Variants in FCER1G observed in about 807,000 individuals in gnomAD.
The protein encoded by FCER1G is high affinity immunoglobulin epsilon receptor subunit gamma.
Under a neutral mutation model 17.3 loss-of-function variants are expected in FCER1G, and 7 were observed. That is an observed-to-expected ratio of 0.40 (90% CI 0.23 to 0.76). The LOEUF is 0.76. Ranked by LOEUF, FCER1G falls within the 30% of genes least tolerant of loss-of-function variation. The pLI, the probability that FCER1G is intolerant of heterozygous loss-of-function variation, is 0.35. For synonymous variants in FCER1G, 35 were observed against 38.7 expected (o/e 0.90, Z 0.35); for missense variants, 87 against 97.7 (o/e 0.89, Z 0.46).
intron 1 of FCER1G, among the ~76,000 whole-genome samples, chr1:161,216,383 C>T (rs900100723): frequency 9.0e-5 from 11 of 122,090 alleles, no homozygotes; most frequent in African/African-American, 3.5e-4. Context: ...CACATACACA[C>T]ACACACACAC....
intron 1 of FCER1G, among the ~76,000 whole-genome samples, chr1:161,216,450 A>AGG (rs71579697): frequency 3.3e-5 from 5 of 151,608 alleles, no homozygotes; most frequent in African/African-American, 1.2e-4. Context: ...AGAGAGAGAG[A>AGG]TAACCCTTTA....
intron 2 of FCER1G, 51 bp from the exon 3 acceptor site, chr1:161,218,190 G>A (rs771056414): frequency 4.5e-5 from 71 of 1,575,480 alleles, no homozygotes; most frequent in Non-Finnish European, 5.7e-5. Flanking sequence ...TGGAGGGAAG[G>A]GGGATGGGCC....
At chr1:161,217,034 T>C (rs1666066890) in intron 1 of FCER1G, among the ~76,000 whole-genome samples, 1 of 152,212 alleles carries the variant, frequency 6.6e-6, no homozygotes. Context: ...CTTGGTTTCG[T>C]CACCCATAAA....
chr1:161,215,840 C>A (rs1433618592), intron 1 of FCER1G, among the ~76,000 whole-genome samples: 1 of 152,044 alleles, frequency 6.6e-6, no homozygotes, highest in Non-Finnish European at 1.5e-5. Flanking sequence ...GATCCACCCA[C>A]CTCGACCTCC....
rs747074278 is a variant in FCER1G, at chr1:161,216,425, T to TAGAGAG, written c.49+1056_49+1057insGAGAGA. ...ACACACACACACATATATATATATATATAGAGAGAGAGAGAGAGAGAGAGA... is the reference window on the plus strand; with the variant it reads ...ACACACACACACATATATATATATATAGAGAGATAGAGAGAGAGAGAGAGAGAGAGA... On this transcript the variant is annotated intron_variant, in intron 1 of 4. Transcript: ENST00000289902. 1.7e-3 allele frequency among the ~76,000 whole-genome samples: 239 copies of TAGAGAG among 140,860 alleles called. 1 individual carries two copies. The East Asian group carries it at 0.021, about 12-fold the overall frequency. The allele number at this position is 140,860 out of a possible 152,430, so 92.4% of individuals were successfully genotyped here.
Position 161,215,312 on chromosome 1 carries a change from C to G in FCER1G, c.-10C>G, listed in dbSNP as rs1666009437. 6.2e-7 allele frequency: 1 copy of G among 1,613,656 alleles called. No individual in the cohort carries two copies. The highest frequency in any genetic ancestry group is 8.5e-7 in the Non-Finnish European group (1 of 1,179,684). ...ACAGTGCTGTCAGAACGGCCGATCTCCAGCCCAAGATGATTCCAGCAGTGG... is the reference window on the plus strand; with the variant it reads ...ACAGTGCTGTCAGAACGGCCGATCTGCAGCCCAAGATGATTCCAGCAGTGG... On this transcript the variant is annotated 5_prime_UTR_variant, in exon 1 of 5. Coordinates refer to ENST00000289902, the MANE Select transcript of FCER1G (RefSeq NM_004106.2).
chr1:161,215,651 G>A (rs1049451571), intron 1 of FCER1G, among the ~76,000 whole-genome samples: 1 of 152,102 alleles, frequency 6.6e-6, no homozygotes, highest in African/African-American at 2.4e-5. Flanking sequence ...GGAGTGCAGT[G>A]GCGCAATCTC....
intron 1 of FCER1G, among the ~76,000 whole-genome samples, chr1:161,217,138 C>T (rs1666068373): frequency 6.6e-6 from 1 of 151,918 alleles, no homozygotes; most frequent in African/African-American, 2.4e-5. Context: ...AGTACTTGAC[C>T]GATGTCAGCA....
intron 3 of FCER1G, 33 bp from the exon 4 acceptor site, chr1:161,218,670 G>T (rs1352988792): frequency 6.2e-7 from 1 of 1,613,496 alleles, no homozygotes; most frequent in African/African-American, 1.3e-5. Context: ...GAAAGTGTGG[G>T]TCTTTAATGT....
chr1:161,217,961 C>A lies in FCER1G; in HGVS notation c.50-25C>A, dbSNP rs561084969. ...CAGATCCTCCCTGATACCCCCGACCCCATGGGCATCCTCTATCCCCTCAGC... is the reference window on the plus strand; with the variant it reads ...CAGATCCTCCCTGATACCCCCGACCACATGGGCATCCTCTATCCCCTCAGC... On this transcript the variant is annotated intron_variant, in intron 1 of 4. Coordinates refer to ENST00000289902, the MANE Select transcript of FCER1G (RefSeq NM_004106.2). 2.3e-5 allele frequency: 36 copies of A among 1,532,130 alleles called. 1 individual carries two copies. In the South Asian group the frequency reaches 2.7e-4, roughly 11 times the overall value. The allele number at this position is 1,532,130 out of a possible 1,614,324, so 94.9% of individuals were successfully genotyped here.
intron 1 of FCER1G, among the ~76,000 whole-genome samples, chr1:161,216,488 G>T (rs1337478938): frequency 2.0e-5 from 3 of 151,566 alleles, no homozygotes; most frequent in African/African-American, 7.3e-5. Flanking sequence ...TCTTGTGCTT[G>T]GGAGTAAGGC....
At chr1:161,217,267 C>T (rs1168498316) in intron 1 of FCER1G, among the ~76,000 whole-genome samples, 1 of 151,938 alleles carries the variant, frequency 6.6e-6, no homozygotes, top group African/African-American at 2.4e-5. Flanking sequence ...TCTCAGAGAC[C>T]CAGAGAGTGA....
At chr1:161,217,897 C>A in intron 1 of FCER1G, 89 bp from the exon 2 acceptor site, 1 of 891,814 alleles carries the variant, frequency 1.1e-6, no homozygotes, top group Non-Finnish European at 1.9e-6. Context: ...AGGCCCTGTC[C>A]TACCTCCCAG....
At chr1:161,216,304 T>C (rs1424035165) in intron 1 of FCER1G, among the ~76,000 whole-genome samples, 1 of 145,352 alleles carries the variant, frequency 6.9e-6, no homozygotes, top group Non-Finnish European at 1.5e-5. Context: ...AGAGTGAGAC[T>C]CCGTCTCAAA....
chr1:161,218,223 AC>A lies in FCER1G; in HGVS notation c.142-16del. 6.2e-7 allele frequency: 1 copy of A among 1,612,294 alleles called. No individual in the cohort carries two copies. The highest frequency in any genetic ancestry group is 8.5e-7 in the Non-Finnish European group (1 of 1,178,460). On this transcript the variant is annotated splice_polypyrimidine_tract_variant and intron_variant, in intron 2 of 4. Coordinates refer to ENST00000289902, the MANE Select transcript of FCER1G (RefSeq NM_004106.2). ...GCCATTAACTTACCCTTTACTGATA[AC>A]CTTTCCCCCATTCCAGATCCAAGTG...
In FCER1G at chr1:161,219,219, C is replaced by T. The variant is rs888108399; in HGVS notation, c.*276C>T. 76 of 498,386 alleles carry T rather than the reference C, an allele frequency of 1.5e-4. 1 individual carries two copies. Among genetic ancestry groups the T allele is most frequent in the Non-Finnish European group, 2.6e-4 (72 of 279,352 alleles). 30.9% of individuals were successfully genotyped at this position (498,386 alleles called of 1,614,324 possible). On this transcript the variant is annotated 3_prime_UTR_variant, in exon 5 of 5. Coordinates refer to ENST00000289902, the MANE Select transcript of FCER1G (RefSeq NM_004106.2). The stretch of plus-strand genomic sequence containing the variant: ...CCAGCTAAAATATGGGAAGGGAGAA[C>T]CCCCAATAAAACTGCCATGGACTGG...
In FCER1G at chr1:161,215,297, C is replaced by T; in HGVS notation, c.-25C>T. On this transcript the variant is annotated 5_prime_UTR_variant, in exon 1 of 5. Transcript: ENST00000289902. ...GCTGAGCACAGCTGCACAGTGCTGT[C>T]AGAACGGCCGATCTCCAGCCCAAGA... 2 of 1,612,502 alleles carry T rather than the reference C, an allele frequency of 1.2e-6. No homozygotes were observed. Among genetic ancestry groups the T allele is most frequent in the Non-Finnish European group, 1.7e-6 (2 of 1,178,756 alleles).
intron 1 of FCER1G, among the ~76,000 whole-genome samples, chr1:161,216,425 T>TAGAG (rs747074278): frequency 0.014 from 1,971 of 140,768 alleles, 41 homozygotes; most frequent in East Asian, 0.088. Flanking sequence ...TATATATATA[T>TAGAG]ATAGAGAGAG....
At chr1:161,216,123 C>A (rs1330669197) in intron 1 of FCER1G, among the ~76,000 whole-genome samples, 1 of 151,868 alleles carries the variant, frequency 6.6e-6, no homozygotes, top group East Asian at 1.9e-4. Flanking sequence ...CCATGGGGTG[C>A]CTTTGGTCTT....
Sources: allele counts gnomAD v4.1 joint callset (sites outside exome capture counted in the v4.1 genomes callset), GRCh38; gene constraint gnomAD v4.1.1; transcripts MANE v1.5; gene names NCBI Gene and HGNC (gene_info 2026-07-23, HGNC 2026-07-21).